Variants in NTM observed in about 807,000 individuals in gnomAD.
NTM encodes the protein neurotrimin, also known as IgLON family member 2.
In NTM, 13 loss-of-function variants were observed where a neutral mutation model predicts 42.1. The ratio of observed to expected loss-of-function variants is 0.31; its 90% CI spans 0.20 to 0.49. The LOEUF (loss-of-function observed/expected upper bound fraction) is 0.49. NTM is among the 20% of genes least tolerant of loss of function. The pLI, the probability that NTM is intolerant of heterozygous loss-of-function variation, is 0.99. For synonymous variants in NTM, 187 were observed against 179.2 expected, an observed-to-expected ratio of 1.04 and a Z score of -0.35; for missense variants, 373 against 452.8, an observed-to-expected ratio of 0.82 and a Z score of 1.60.
At chr11:131,618,764 G>A (rs746451202) in intron 1 of NTM, among the ~76,000 whole-genome samples, 4 of 152,192 alleles carry the variant, frequency 2.6e-5, no homozygotes, top group Non-Finnish European at 5.9e-5. Context: ...GAAGCAGAAG[G>A]CTTAGAACAT....
intron 3 of NTM, among the ~76,000 whole-genome samples, chr11:132,149,536 G>A (rs898524753): frequency 6.6e-6 from 1 of 152,188 alleles, no homozygotes; most frequent in East Asian, 1.9e-4. Context: ...GAAGGTAGTG[G>A]CATCTCACAG....
intron 1 of NTM, among the ~76,000 whole-genome samples, chr11:131,442,779 G>A (rs1000375182): frequency 4.0e-5 from 6 of 151,532 alleles, no homozygotes; most frequent in Admixed American, 6.6e-5. Context: ...ATAGTATTCC[G>A]TTATATATAT....
chr11:131,802,987 G>A (rs150215382), intron 1 of NTM, among the ~76,000 whole-genome samples: 3 of 152,118 alleles, frequency 2.0e-5, no homozygotes, highest in Admixed American at 6.6e-5. Context: ...CCAGATTGTC[G>A]AGTACTGAAA....
chr11:131,478,014 T>C (rs1187878420), intron 1 of NTM, among the ~76,000 whole-genome samples: 1 of 152,144 alleles, frequency 6.6e-6, no homozygotes, highest in Non-Finnish European at 1.5e-5. Flanking sequence ...AAAGCTGACC[T>C]TTCTGCTTCC....
chr11:131,917,077 G>T (rs2056516032), intron 2 of NTM, among the ~76,000 whole-genome samples: 4 of 152,178 alleles, frequency 2.6e-5, no homozygotes, highest in Non-Finnish European at 4.4e-5. Context: ...ATCTCCATCT[G>T]AAGTTATCCC....
intron 4 of NTM, among the ~76,000 whole-genome samples, chr11:132,240,495 A>G (rs1216384500): frequency 6.6e-6 from 1 of 152,218 alleles, no homozygotes; most frequent in African/African-American, 2.4e-5. Flanking sequence ...ACTGGGCATT[A>G]CTAACTTGAC....
intron 2 of NTM, among the ~76,000 whole-genome samples, chr11:132,066,369 A>C (rs1290881194): frequency 6.6e-6 from 1 of 152,172 alleles, no homozygotes; most frequent in Admixed American, 6.5e-5. Context: ...CTGGATATTC[A>C]TCTGGACCCT....
chr11:131,876,419 A>C (rs2048549706), intron 1 of NTM, among the ~76,000 whole-genome samples: 1 of 152,174 alleles, frequency 6.6e-6, no homozygotes, highest in Non-Finnish European at 1.5e-5. Context: ...ATTATCCATA[A>C]CCAATCTTTA....
chr11:131,808,995 T>A (rs2092630328), intron 1 of NTM, among the ~76,000 whole-genome samples: 1 of 152,168 alleles, frequency 6.6e-6, no homozygotes, highest in Admixed American at 6.5e-5. Flanking sequence ...TGAATAGAAA[T>A]GTAGCAGACT....
chr11:131,532,781 C>G (rs1000650731), intron 1 of NTM, among the ~76,000 whole-genome samples: 1 of 152,160 alleles, frequency 6.6e-6, no homozygotes, highest in Non-Finnish European at 1.5e-5. Flanking sequence ...GTGTGAAGCA[C>G]TATCTTATTG....
intron 1 of NTM, among the ~76,000 whole-genome samples, chr11:131,379,167 G>A (rs1942339935): frequency 6.6e-6 from 1 of 152,208 alleles, no homozygotes. Context: ...CAGGCTGGGA[G>A]GGAGGCTCAG....
At chr11:131,771,962 T>G (rs2086173181) in intron 1 of NTM, among the ~76,000 whole-genome samples, 1 of 152,212 alleles carries the variant, frequency 6.6e-6, no homozygotes, top group African/African-American at 2.4e-5. Flanking sequence ...TTTTCTATCT[T>G]CTGATGCCAT....
At chr11:132,315,042 A>G in intron 7 of NTM, 1 of 1,078,166 alleles carries the variant, frequency 9.3e-7, no homozygotes, top group Non-Finnish European at 1.1e-6. Context: ...ATCCCGAGAT[A>G]GGAGAAAAAT....
chr11:131,853,026 C>T (rs2045744194), intron 1 of NTM, among the ~76,000 whole-genome samples: 1 of 151,836 alleles, frequency 6.6e-6, no homozygotes, highest in Non-Finnish European at 1.5e-5. Flanking sequence ...TTCTCCCACG[C>T]ACCCATCCAC....
chr11:131,650,229 G>C (rs1240187651), intron 1 of NTM, among the ~76,000 whole-genome samples: 3 of 152,224 alleles, frequency 2.0e-5, no homozygotes, highest in Admixed American at 2.0e-4. Context: ...TCTTGAAGAT[G>C]AAATCTCTGG....
chr11:131,745,593 C>G (rs546876426), intron 1 of NTM, among the ~76,000 whole-genome samples: 2 of 152,168 alleles, frequency 1.3e-5, no homozygotes, highest in African/African-American at 2.4e-5. Context: ...GATCAGAGGA[C>G]TGGAGTTGAA....
At chr11:131,866,234 T>G (rs1322249095) in intron 1 of NTM, among the ~76,000 whole-genome samples, 2 of 152,250 alleles carry the variant, frequency 1.3e-5, no homozygotes, top group African/African-American at 4.8e-5. Context: ...GGCAGGTGCT[T>G]CCTTTTCACC....
intron 2 of NTM, among the ~76,000 whole-genome samples, chr11:132,066,343 C>T (rs1002886070): frequency 6.6e-6 from 1 of 152,086 alleles, no homozygotes; most frequent in Non-Finnish European, 1.5e-5. Context: ...GTCAGCCATC[C>T]CTGTATTAGA....
intron 6 of NTM, 87 bp from the exon 7 acceptor site, chr11:132,314,465 A>G: frequency 7.0e-7 from 1 of 1,419,978 alleles, no homozygotes; most frequent in Non-Finnish European, 9.4e-7. Flanking sequence ...GGGCAAGGAG[A>G]AGACCAGGAA....
Sources: allele counts gnomAD v4.1 joint callset (sites outside exome capture counted in the v4.1 genomes callset), GRCh38; gene constraint gnomAD v4.1.1; transcripts MANE v1.5; gene names NCBI Gene and HGNC (gene_info 2026-07-23, HGNC 2026-07-21).